The following TENM3 variants were observed in gnomAD, a reference collection of about 807,000 sequenced individuals.
The protein encoded by TENM3 is teneurin-3.
A neutral mutation model predicts 255.1 loss-of-function variants in TENM3; 63 were observed. The ratio of observed to expected loss-of-function variants is 0.25; its 90% CI spans 0.20 to 0.30. TENM3 has a LOEUF of 0.30. Among genes scored for constraint, TENM3 ranks in the 10% least tolerant of loss-of-function variants. The pLI is 1.00. For synonymous variants in TENM3, 1,306 were observed against 1,322.3 expected, an observed-to-expected ratio of 0.99 and a Z score of 0.27; for missense variants, 2,929 against 3,461.1, an observed-to-expected ratio of 0.85 and a Z score of 3.86.
chr4:181,950,641 T>G, the TENM3 span, among the ~76,000 whole-genome samples: 30 of 152,292 alleles, frequency 2.0e-4, no homozygotes, highest in African/African-American at 6.7e-4. Flanking sequence ...AGTAAAATAT[T>G]GTTGTGCTCA....
chr4:181,773,464 A>C, the TENM3 span, among the ~76,000 whole-genome samples: 1 of 152,172 alleles, frequency 6.6e-6, no homozygotes, highest in Non-Finnish European at 1.5e-5. Context: ...GTTGAAATGC[A>C]CCTTAAAGAC....
the TENM3 span, among the ~76,000 whole-genome samples, chr4:181,716,315 A>T: frequency 6.6e-6 from 1 of 152,240 alleles, no homozygotes; most frequent in East Asian, 1.9e-4. Flanking sequence ...ATATGCCGTT[A>T]ACCCAATATA....
chr4:181,601,231 G>A, the TENM3 span, among the ~76,000 whole-genome samples: 2 of 152,152 alleles, frequency 1.3e-5, no homozygotes, highest in African/African-American at 2.4e-5. Flanking sequence ...TGAAATCCAG[G>A]TATTGGCAGG....
the TENM3 span, among the ~76,000 whole-genome samples, chr4:181,868,051 A>G: frequency 6.6e-6 from 1 of 152,210 alleles, no homozygotes; most frequent in Non-Finnish European, 1.5e-5. Flanking sequence ...GTAATTCCCT[A>G]TATTTCTGGA....
intron 1 of TENM3, among the ~76,000 whole-genome samples, chr4:182,164,847 C>T (rs1252713657): frequency 1.3e-5 from 2 of 152,104 alleles, no homozygotes. Context: ...GTTCTTTTTT[C>T]CCTCAAGGAT....
chr4:181,917,168 G>A, the TENM3 span, among the ~76,000 whole-genome samples: 1 of 152,106 alleles, frequency 6.6e-6, no homozygotes, highest in Non-Finnish European at 1.5e-5. Context: ...GCAAGCAAAG[G>A]TCCCAACATT....
intron 3 of TENM3, among the ~76,000 whole-genome samples, chr4:182,432,294 A>C (rs939445712): frequency 1.3e-5 from 2 of 152,150 alleles, no homozygotes; most frequent in African/African-American, 2.4e-5. Flanking sequence ...TATGTTCACT[A>C]TTTTGTTGGA....
At chr4:181,850,102 T>G in the TENM3 span, among the ~76,000 whole-genome samples, 10 of 152,012 alleles carry the variant, frequency 6.6e-5, 1 homozygote, top group South Asian at 2.1e-3. Flanking sequence ...TTCCCCCTTT[T>G]CCTTCCCATA....
the TENM3 span, among the ~76,000 whole-genome samples, chr4:181,651,398 G>A: frequency 7.2e-5 from 11 of 152,072 alleles, no homozygotes; most frequent in East Asian, 1.9e-4. Context: ...TCAGGAGATC[G>A]AGACTGGCCT....
intron 3 of TENM3, among the ~76,000 whole-genome samples, chr4:182,424,953 C>T (rs1363771876): frequency 6.6e-6 from 1 of 152,060 alleles, no homozygotes; most frequent in Non-Finnish European, 1.5e-5. Context: ...ACTGACAGTT[C>T]TCTTTGTGAT....
At chr4:182,544,938 G>A (rs930316422) in intron 3 of TENM3, among the ~76,000 whole-genome samples, 1 of 152,186 alleles carries the variant, frequency 6.6e-6, no homozygotes, top group Non-Finnish European at 1.5e-5. Flanking sequence ...AGTTAGGGTA[G>A]ATCAGGAACC....
chr4:181,456,386 A>T, the TENM3 span, among the ~76,000 whole-genome samples: 1 of 151,906 alleles, frequency 6.6e-6, no homozygotes, highest in Admixed American at 6.6e-5. Context: ...TGATGTTGAC[A>T]TAACACAGAT....
chr4:181,512,713 A>C, the TENM3 span, among the ~76,000 whole-genome samples: 2 of 152,162 alleles, frequency 1.3e-5, no homozygotes, highest in Non-Finnish European at 2.9e-5. Context: ...GGCACCTAAA[A>C]GTGTTTTTAT....
At chr4:182,212,168 A>T (rs957807317) in intron 1 of TENM3, among the ~76,000 whole-genome samples, 1 of 152,216 alleles carries the variant, frequency 6.6e-6, no homozygotes, top group African/African-American at 2.4e-5. Context: ...TATAATTTAT[A>T]AAAGGTCTGT....
At chr4:181,834,226 A>T in the TENM3 span, among the ~76,000 whole-genome samples, 1 of 152,038 alleles carries the variant, frequency 6.6e-6, no homozygotes, top group Admixed American at 6.5e-5. Flanking sequence ...ATTGAATGAA[A>T]CCTTTTATTC....
the TENM3 span, among the ~76,000 whole-genome samples, chr4:181,845,489 A>G: frequency 1.6e-4 from 24 of 152,258 alleles, no homozygotes; most frequent in Admixed American, 8.5e-4. Context: ...GGAAGGAAAT[A>G]TATATTATAT....
At chr4:181,685,226 T>G in the TENM3 span, among the ~76,000 whole-genome samples, 1 of 152,186 alleles carries the variant, frequency 6.6e-6, no homozygotes, top group African/African-American at 2.4e-5. Context: ...TTTATTTGTT[T>G]AATAAGATAT....
At chr4:181,831,968 T>TTGTGTGTG in the TENM3 span, among the ~76,000 whole-genome samples, 7,500 of 132,600 alleles carry the variant, frequency 0.057, 262 homozygotes, top group Admixed American at 0.11. Context: ...ATATATTACA[T>TTGTGTGTG]TGTGTGTGTG....
At chr4:182,297,254 C>A (rs1580067194) in intron 1 of TENM3, among the ~76,000 whole-genome samples, 1 of 152,130 alleles carries the variant, frequency 6.6e-6, no homozygotes, top group Non-Finnish European at 1.5e-5. Flanking sequence ...TCTGATTATT[C>A]CAGGATTCAC....
Sources: allele counts gnomAD v4.1 joint callset (sites outside exome capture counted in the v4.1 genomes callset), GRCh38; gene constraint gnomAD v4.1.1; transcripts MANE v1.5; gene names NCBI Gene and HGNC (gene_info 2026-07-23, HGNC 2026-07-21).